Variants in PAX5 observed in about 807,000 individuals in gnomAD.
PAX5 encodes paired box protein Pax-5.
PAX5 carries 9 observed loss-of-function variants against 43.7 expected under a neutral mutation model. That is an observed-to-expected ratio of 0.21 (90% CI 0.12 to 0.36). The LOEUF is 0.36. Among genes scored for constraint, PAX5 ranks in the 10% least tolerant of loss-of-function variants. The pLI is 1.00. For missense variants in PAX5, 383 were observed against 532.7 expected, an observed-to-expected ratio of 0.72 and a Z score of 2.77; for synonymous variants, 228 against 214.3, an observed-to-expected ratio of 1.06 and a Z score of -0.56.
At chr9:37,030,282 CAACCCCAAAA>C (rs1840852808) in intron 1 of PAX5, among the ~76,000 whole-genome samples, 1 of 152,190 alleles carries the variant, frequency 6.6e-6, no homozygotes, top group Non-Finnish European at 1.5e-5. Flanking sequence ...TGGGAAGTTC[CAACCCCAAAA>C]GGCGCGACCG....
intron 7 of PAX5, among the ~76,000 whole-genome samples, chr9:36,888,721 T>C (rs994880475): frequency 2.0e-5 from 3 of 152,178 alleles, no homozygotes; most frequent in African/African-American, 7.2e-5. Context: ...CTGACGCTGG[T>C]GGAAGACCTG....
intron 6 of PAX5, among the ~76,000 whole-genome samples, chr9:36,946,847 G>C (rs544787202): frequency 6.6e-6 from 1 of 152,146 alleles, no homozygotes; most frequent in Admixed American, 6.5e-5. Flanking sequence ...AAGCCCCATG[G>C]CTGCTTCCCG....
At chr9:37,009,554 G>A (rs989858315) in intron 3 of PAX5, among the ~76,000 whole-genome samples, 1 of 152,078 alleles carries the variant, frequency 6.6e-6, no homozygotes, top group African/African-American at 2.4e-5. Flanking sequence ...AGGGCGGTGG[G>A]GGAGTAAAGA....
At chr9:36,902,546 G>A (rs1461070780) in intron 7 of PAX5, among the ~76,000 whole-genome samples, 1 of 152,236 alleles carries the variant, frequency 6.6e-6, no homozygotes, top group African/African-American at 2.4e-5. Context: ...GAGAAACTAG[G>A]CCACTGATGG....
At chr9:36,999,113 A>G (rs1400450429) in intron 5 of PAX5, among the ~76,000 whole-genome samples, 1 of 152,142 alleles carries the variant, frequency 6.6e-6, no homozygotes, top group Non-Finnish European at 1.5e-5. Flanking sequence ...ATCTCCCTAA[A>G]TGCTTCTAGA....
intron 4 of PAX5, among the ~76,000 whole-genome samples, chr9:37,006,215 T>C (rs1838374139): frequency 1.3e-5 from 2 of 151,952 alleles, no homozygotes; most frequent in Admixed American, 1.3e-4. Flanking sequence ...TAGTGGATTT[T>C]TTTTTGGCTT....
At chr9:37,006,852 C>T (rs941237364) in intron 3 of PAX5, among the ~76,000 whole-genome samples, 4 of 152,164 alleles carry the variant, frequency 2.6e-5, no homozygotes, top group African/African-American at 9.7e-5. Context: ...AGTAAGCATC[C>T]CTTTCTCGAG....
At chr9:37,006,352 G>T in intron 4 of PAX5, 121 bp downstream of exon 4, 1 of 632,182 alleles carries the variant, frequency 1.6e-6, no homozygotes, top group Non-Finnish European at 2.8e-6. Context: ...CAAAGAAGGC[G>T]CATTAGTACG....
intron 6 of PAX5, among the ~76,000 whole-genome samples, chr9:36,941,138 G>A (rs1282151725): frequency 1.3e-5 from 2 of 152,220 alleles, no homozygotes; most frequent in African/African-American, 4.8e-5. Context: ...CAGCCGCTAA[G>A]CCAGCAGGCT....
At chr9:36,973,815 G>A (rs1835191488) in intron 5 of PAX5, among the ~76,000 whole-genome samples, 1 of 152,188 alleles carries the variant, frequency 6.6e-6, no homozygotes, top group African/African-American at 2.4e-5. Context: ...AGACCAGCCT[G>A]GCCAATATGG....
chr9:37,010,597 G>T (rs1838838135), intron 3 of PAX5, among the ~76,000 whole-genome samples: 1 of 152,100 alleles, frequency 6.6e-6, no homozygotes, highest in African/African-American at 2.4e-5. Context: ...GAAAGGCTAG[G>T]CTTCTCACCA....
At chr9:36,935,800 G>A (rs1321349876) in intron 6 of PAX5, among the ~76,000 whole-genome samples, 1 of 152,236 alleles carries the variant, frequency 6.6e-6, no homozygotes, top group Non-Finnish European at 1.5e-5. Context: ...CACAGCTCCG[G>A]TGTGAGAAAG....
At chr9:37,033,279 C>T (rs913862486) in intron 1 of PAX5, among the ~76,000 whole-genome samples, 1 of 152,210 alleles carries the variant, frequency 6.6e-6, no homozygotes, top group Admixed American at 6.5e-5. Context: ...AATGCACATG[C>T]TAAACACCAC....
chr9:36,839,834 C>A lies in PAX5; in HGVS notation c.*726G>T, dbSNP rs920666316. ...TGGAAAAGAGCTGCTGATACTGCATCGGTCCCAGAGAAATGGAGGCAGGAA... is the reference window on the plus strand; with the variant it reads ...TGGAAAAGAGCTGCTGATACTGCATAGGTCCCAGAGAAATGGAGGCAGGAA... On this transcript the variant is annotated 3_prime_UTR_variant, in exon 10 of 10. Transcript: ENST00000358127. The A allele has an allele frequency of 1.3e-5, 3 of 233,584 alleles. No homozygotes were observed. Among genetic ancestry groups the A allele is most frequent in the Non-Finnish European group, 2.5e-5 (3 of 118,350 alleles). The allele number at this position is 233,584 out of a possible 1,614,324, so 14.5% of individuals were successfully genotyped here. A position where few individuals can be genotyped will look rare whatever the true frequency, so the allele number is the denominator to read the frequency against.
chr9:36,986,820 G>A (rs1345720119), intron 5 of PAX5, among the ~76,000 whole-genome samples: 1 of 152,216 alleles, frequency 6.6e-6, no homozygotes, highest in East Asian at 1.9e-4. Flanking sequence ...CAAAGATCTT[G>A]GGATATGACT....
rs1344106607 is a variant in PAX5, at chr9:37,015,778, C to G, written c.213-584G>C. Among the ~76,000 whole-genome samples, 2 of 152,090 alleles carry G rather than the reference C, an allele frequency of 1.3e-5. No homozygotes were observed. Among genetic ancestry groups the G allele is most frequent in the African/African-American group, 4.8e-5 (2 of 41,414 alleles). On this transcript the variant is annotated intron_variant, in intron 2 of 9. Coordinates refer to ENST00000358127, the MANE Select transcript of PAX5 (RefSeq NM_016734.3). This position sits in a 1 kb window ranked among gnomAD's most constrained non-coding sequence, Gnocchi z 4.4. The stretch of plus-strand genomic sequence containing the variant: ...ATTTTTAGTAGAGACGGGGGTTTCA[C>G]CATGTTAGTCAGGCTGGTCTCGAAC...
chr9:37,001,267 A>C (rs1837826824), intron 5 of PAX5, among the ~76,000 whole-genome samples: 1 of 152,168 alleles, frequency 6.6e-6, no homozygotes, highest in South Asian at 2.1e-4. Flanking sequence ...CTCTTTCCCC[A>C]AAAATCTCCA....
At position 36,930,846 on chromosome 9, in the gene PAX5, G is replaced by A. The variant is rs562520751; in HGVS notation, c.781-7362C>T. On this transcript the variant is annotated intron_variant, in intron 6 of 9. Coordinates refer to ENST00000358127, the MANE Select transcript of PAX5 (RefSeq NM_016734.3). ...GGACTCAAGGAGGCACGTGCCCCAG[G>A]AGAGTGTGCACTGGGCATCATTTGG... 5 of 1,306,884 alleles carry A rather than the reference G, an allele frequency of 3.8e-6. No individual in the cohort carries two copies. In the South Asian group the frequency reaches 4.9e-5, roughly 13 times the overall value. 81.0% of individuals were successfully genotyped at this position (1,306,884 alleles called of 1,614,324 possible). A position where few individuals can be genotyped will look rare whatever the true frequency, so the allele number is the denominator to read the frequency against.
rs1821702717 is a variant in PAX5, at chr9:36,837,191, C to A, written c.*3369G>T. 1 of 233,104 alleles carries A rather than the reference C, an allele frequency of 4.3e-6. No individual in the cohort carries two copies. Among genetic ancestry groups the A allele is most frequent in the Admixed American group, 5.6e-5 (1 of 17,780 alleles). The allele number at this position is 233,104 out of a possible 1,614,324, so 14.4% of individuals were successfully genotyped here. The stretch of plus-strand genomic sequence containing the variant: ...CCTGGAGATCTGAGAATTCACTTCG[C>A]CTCTATGTTGCCGTGAGAGCCCCAA... On this transcript the variant is annotated 3_prime_UTR_variant, in exon 10 of 10. Transcript: ENST00000358127.
Sources: gnomAD v4.1 joint callset for allele counts (sites outside exome capture counted in the v4.1 genomes callset) on GRCh38, gnomAD v4.1.1 for gene constraint, Gnocchi (gnomAD v3.1) non-coding constraint, MANE v1.5 for transcripts, NCBI Gene and HGNC (gene_info 2026-07-23, HGNC 2026-07-21) for gene names.